The following OPA1 variants were observed in gnomAD, a reference collection of about 807,000 sequenced individuals.
OPA1 encodes the protein dynamin-like GTPase OPA1, mitochondrial.
OPA1 carries 59 observed loss-of-function variants against 152.9 expected under a neutral mutation model. The observed-to-expected ratio is 0.39, with a 90% confidence interval of 0.31 to 0.48. The LOEUF (loss-of-function observed/expected upper bound fraction) is 0.48, where lower values mean the gene tolerates loss of function less well. Among genes scored for constraint, OPA1 ranks in the 20% least tolerant of loss-of-function variants. The pLI is 0.96. For missense variants in OPA1, 1,008 were observed against 1,216.8 expected (o/e 0.83, Z 2.55); for synonymous variants, 400 against 389.9 (o/e 1.03, Z -0.31).
In OPA1 at chr3:193,677,438, C is replaced by T. The variant is rs1270543404; in HGVS notation, c.2983+10158C>T. ...AGTTGGGAATAAACTTTATCTTAAG[C>T]GTTTTTATTTTTAAATTATGTTTTT... On this transcript the variant is annotated intron_variant, in intron 29 of 30. Transcript: ENST00000361510. Among the ~76,000 whole-genome samples the T allele has an allele frequency of 7.3e-5, 11 of 151,668 alleles. No homozygotes were observed. In the East Asian group the frequency reaches 1.5e-3, roughly 21 times the overall value.
chr3:193,651,306 C>A (rs1712382179), intron 21 of OPA1, among the ~76,000 whole-genome samples: 1 of 152,080 alleles, frequency 6.6e-6, no homozygotes, highest in African/African-American at 2.4e-5. Context: ...ATAATTTAGG[C>A]AAGATGTGAT....
intron 6 of OPA1, among the ~76,000 whole-genome samples, chr3:193,621,784 T>G (rs1730136266): frequency 2.0e-5 from 3 of 152,218 alleles, no homozygotes; most frequent in Non-Finnish European, 2.9e-5. Flanking sequence ...GGATGTGAAC[T>G]GAATATTACT....
At chr3:193,690,951 C>T (rs1461218530) in intron 29 of OPA1, among the ~76,000 whole-genome samples, 2 of 152,196 alleles carry the variant, frequency 1.3e-5, no homozygotes, top group Non-Finnish European at 2.9e-5. Flanking sequence ...CAGTGGCTCA[C>T]ACCTGTAATC....
rs1460774864 is a variant in OPA1, at chr3:193,642,634, GC to G, written c.1150-127del. The G allele has an allele frequency of 4.2e-6, 3 of 709,192 alleles. No individual in the cohort carries two copies. In the Admixed American group the frequency reaches 6.5e-5, roughly 15 times the overall value. 43.9% of individuals were successfully genotyped at this position (709,192 alleles called of 1,614,324 possible). On this transcript the variant is annotated intron_variant, in intron 11 of 30. Coordinates refer to ENST00000361510, the MANE Select transcript of OPA1 (RefSeq NM_130837.3). ...TACCATGTTGACAGCTTCAGGGGGT[GC>G]CCCAGCAGTAGTGTGAAGGGACTCT... is the stretch of plus-strand genomic sequence containing the variant.
intron 1 of OPA1, among the ~76,000 whole-genome samples, chr3:193,613,181 A>C (rs1427805025): frequency 2.0e-5 from 3 of 152,236 alleles, no homozygotes; most frequent in African/African-American, 7.2e-5. Flanking sequence ...GCAGTCTATT[A>C]GTGCTTGAAG....
chr3:193,660,811 T>TG (rs1715094200), intron 25 of OPA1, among the ~76,000 whole-genome samples: 2 of 152,132 alleles, frequency 1.3e-5, no homozygotes, highest in African/African-American at 4.8e-5. Flanking sequence ...CAGGGTGCGT[T>TG]GGTTATCTCT....
intron 29 of OPA1, among the ~76,000 whole-genome samples, chr3:193,682,642 A>C (rs1452741269): frequency 2.6e-5 from 4 of 152,200 alleles, no homozygotes; most frequent in Admixed American, 1.3e-4. Context: ...GCCCTTAAGG[A>C]TTATGCTAAG....
At chr3:193,629,329 A>G (rs1170432300) in intron 7 of OPA1, among the ~76,000 whole-genome samples, 1 of 152,234 alleles carries the variant, frequency 6.6e-6, no homozygotes, top group Non-Finnish European at 1.5e-5. Flanking sequence ...GGCAAATGAT[A>G]CATTTTATCC....
chr3:193,687,608 G>T (rs540427717), intron 29 of OPA1, among the ~76,000 whole-genome samples: 2 of 152,318 alleles, frequency 1.3e-5, no homozygotes, highest in South Asian at 4.1e-4. Context: ...TTTGAAATTT[G>T]AAAGCACCGT....
rs1437061996 is a variant in OPA1, at chr3:193,694,949, A to G, written c.*349A>G. ...TTAATGGATTAACTGAGGTTGCTCA[A>G]TGTTCAGTTTCTTTTCCAGAAATAC... On this transcript the variant is annotated 3_prime_UTR_variant, in exon 31 of 31. Coordinates refer to ENST00000361510, the MANE Select transcript of OPA1 (RefSeq NM_130837.3). 6.6e-6 allele frequency: 1 copy of G among 152,182 alleles called. No homozygotes were observed. The highest frequency in any genetic ancestry group is 2.4e-5 in the African/African-American group (1 of 41,438). The allele number at this position is 152,182 out of a possible 1,614,324, so 9.4% of individuals were successfully genotyped here.
chr3:193,638,876 G>A (rs1281836961), intron 11 of OPA1, among the ~76,000 whole-genome samples: 2 of 152,222 alleles, frequency 1.3e-5, no homozygotes, highest in African/African-American at 4.8e-5. Flanking sequence ...AATCATAAAA[G>A]TGAAGATATT....
At chr3:193,606,111 G>A (rs1727226781) in intron 1 of OPA1, among the ~76,000 whole-genome samples, 1 of 152,150 alleles carries the variant, frequency 6.6e-6, no homozygotes, top group African/African-American at 2.4e-5. Flanking sequence ...GTTTGGCCTA[G>A]AGGGAGGTTT....
Position 193,658,867 on chromosome 3 carries a change from T to C in OPA1, c.2332-20T>C, listed in dbSNP as rs1476039917. On this transcript the variant is annotated intron_variant, in intron 23 of 30. Coordinates refer to ENST00000361510, the MANE Select transcript of OPA1 (RefSeq NM_130837.3). ...TGAGATGTAAAACAAGTTGGCTTTTTCTCTTCTTGTTATTTTCAGAGGGTT... is the reference window on the plus strand; with the variant it reads ...TGAGATGTAAAACAAGTTGGCTTTTCCTCTTCTTGTTATTTTCAGAGGGTT... 1 of 1,581,454 alleles carries C rather than the reference T, an allele frequency of 6.3e-7. No individual in the cohort carries two copies. The highest frequency in any genetic ancestry group is 8.7e-7 in the Non-Finnish European group (1 of 1,150,298).
rs1432983911 is a variant in OPA1 at position 193,694,856 on chromosome 3, A to G, written c.*256A>G. Reference sequence around the variant, plus strand: ...TCGGAATAATATAATTGGTATGGCCATTAGGTTCAGTCCTTGAAGATAAGA... The same window carrying G: ...TCGGAATAATATAATTGGTATGGCCGTTAGGTTCAGTCCTTGAAGATAAGA... On this transcript the variant is annotated 3_prime_UTR_variant, in exon 31 of 31. Transcript: ENST00000361510. 2.6e-5 allele frequency: 4 copies of G among 152,222 alleles called. No individual in the cohort carries two copies. The highest frequency in any genetic ancestry group is 9.6e-5 in the African/African-American group (4 of 41,466). 9.4% of individuals were successfully genotyped at this position (152,222 alleles called of 1,614,324 possible). A position where few individuals can be genotyped will look rare whatever the true frequency, so the allele number is the denominator to read the frequency against.
Position 193,642,676 on chromosome 3 carries a change from C to T in OPA1, c.1150-89C>T, listed in dbSNP as rs1020274910. The T allele has an allele frequency of 1.0e-5, 10 of 956,390 alleles. No homozygotes were observed. In the South Asian group the frequency reaches 1.2e-4, roughly 11 times the overall value. 59.2% of individuals were successfully genotyped at this position (956,390 alleles called of 1,614,324 possible). ...AAGGGACTCTTGGATTTGTGCAATG[C>T]AGTAGCCCTGTCTAGACCACATACG... On this transcript the variant is annotated intron_variant, in intron 11 of 30. Coordinates refer to ENST00000361510, the MANE Select transcript of OPA1 (RefSeq NM_130837.3).
At chr3:193,654,727 GTATATACACA>G in intron 21 of OPA1, 125 bp from the exon 22 acceptor site, 1 of 842,410 alleles carries the variant, frequency 1.2e-6, no homozygotes, top group African/African-American at 1.7e-5. Flanking sequence ...CGATTTACAG[GTATATACACA>G]TGTGAAAACT....
chr3:193,600,502 G>A (rs6787463), intron 1 of OPA1, among the ~76,000 whole-genome samples: 75,714 of 151,972 alleles, frequency 0.5, 19,233 homozygotes, highest in African/African-American at 0.57. Context: ...AGAGGACACC[G>A]TCAAAATGCT....
Position 193,626,135 on chromosome 3 carries a change from A to G in OPA1, c.722A>G (p.Glu241Gly), listed in dbSNP as rs369466234. ...ELILLQQQIQ[E>G]HEEEARRAAG... ...ATTCTCTTACAACAACAAATTCAAG[A>G]GCATGAAGAGGAAGCGCGCAGAGCC... Residue 241 changes from glutamate (E) to glycine (G), a missense_variant, in exon 7 of 31, where the codon GAG becomes GGG. By Grantham distance (98) the Glu-to-Gly change is moderately conservative. Transcript: ENST00000361510. 5.0e-6 allele frequency: 8 copies of G among 1,613,956 alleles called. No homozygotes were observed. In the African/African-American group the frequency reaches 5.3e-5, roughly 11 times the overall value.
chr3:193,662,697 G>C, intron 25 of OPA1, 125 bp from the exon 26 acceptor site: 1 of 787,754 alleles, frequency 1.3e-6, no homozygotes, highest in Admixed American at 2.4e-5. Flanking sequence ...TTTCTTTCTT[G>C]TTTGTTGTGA....
Sources: allele counts gnomAD v4.1 joint callset (sites outside exome capture counted in the v4.1 genomes callset), GRCh38; gene constraint gnomAD v4.1.1; transcripts MANE v1.5; gene names NCBI Gene and HGNC (gene_info 2026-07-23, HGNC 2026-07-21).